The following DCC variants were observed in gnomAD, a reference collection of about 807,000 sequenced individuals.
The protein encoded by DCC is DCC netrin 1 receptor.
Under a neutral mutation model 172.5 loss-of-function variants are expected in DCC, and 58 were observed. That is an observed-to-expected ratio of 0.34 (90% CI 0.27 to 0.42). DCC has a LOEUF of 0.42. Among genes scored for constraint, DCC ranks in the 10% least tolerant of loss-of-function variants. The pLI, the probability that DCC is intolerant of heterozygous loss-of-function variation, is 1.00. For synonymous variants in DCC, 709 were observed against 644.5 expected, an observed-to-expected ratio of 1.10 and a Z score of -1.52; for missense variants, 1,740 against 1,791.0, an observed-to-expected ratio of 0.97 and a Z score of 0.51.
intron 14 of DCC, among the ~76,000 whole-genome samples, chr18:53,333,051 CAG>C (rs546444655): frequency 5.8e-4 from 77 of 133,708 alleles, no homozygotes; most frequent in African/African-American, 2.1e-3. Flanking sequence ...GCCTGGGTGA[CAG>C]AGTGAGAACC....
chr18:52,437,921 A>T (rs1987848861), intron 1 of DCC, among the ~76,000 whole-genome samples: 1 of 152,132 alleles, frequency 6.6e-6, no homozygotes, highest in Admixed American at 6.5e-5. Flanking sequence ...TTCGATTTTC[A>T]CCTGGTGAGT....
At chr18:53,110,476 G>T (rs1453600316) in intron 7 of DCC, among the ~76,000 whole-genome samples, 1 of 151,642 alleles carries the variant, frequency 6.6e-6, no homozygotes, top group African/African-American at 2.4e-5. Flanking sequence ...TTGCCACTTT[G>T]GTCTAAGTTT....
chr18:52,867,649 G>T (rs1056760930), intron 2 of DCC, among the ~76,000 whole-genome samples: 30 of 152,066 alleles, frequency 2.0e-4, no homozygotes, highest in African/African-American at 7.2e-4. Context: ...ATTTCTTCTA[G>T]ATTTTCTAGT....
intron 23 of DCC, among the ~76,000 whole-genome samples, chr18:53,458,615 T>C (rs957262848): frequency 6.6e-6 from 1 of 152,242 alleles, no homozygotes. Flanking sequence ...ATTTTCAAAC[T>C]GTGTTCTTCT....
chr18:53,061,330 CTCTT>C (rs898034454), intron 5 of DCC, among the ~76,000 whole-genome samples: 4 of 152,048 alleles, frequency 2.6e-5, no homozygotes, highest in African/African-American at 9.7e-5. Context: ...TTCCTACTCT[CTCTT>C]TCTCTCTCTG....
rs2042562153 is a variant in DCC at position 53,066,105 on chromosome 18, T to C, written c.1200T>C (p.Cys400=). 2 of 1,613,350 alleles carry C rather than the reference T, an allele frequency of 1.2e-6. No individual in the cohort carries two copies. The highest frequency in any genetic ancestry group is 2.7e-5 in the African/African-American group (2 of 74,850). Residue 400 remains cysteine (C), a synonymous_variant, in exon 7 of 29, where the codon TGT becomes TGC. Transcript: ENST00000442544. ...VVKSDEGFYQ[C]VAENEAGNAQ... ...AGTCAGATGAAGGCTTTTATCAATG[T>C]GTGGCTGAAAATGAGGCTGGAAATG...
chr18:52,697,456 C>A (rs932850865), intron 1 of DCC, among the ~76,000 whole-genome samples: 2 of 152,192 alleles, frequency 1.3e-5, no homozygotes, highest in Non-Finnish European at 2.9e-5. Context: ...GAGATCAATT[C>A]TTCCTGTGCC....
chr18:53,134,498 A>C (rs1020151278), intron 7 of DCC, among the ~76,000 whole-genome samples: 1 of 152,068 alleles, frequency 6.6e-6, no homozygotes, highest in African/African-American at 2.4e-5. Context: ...ACTGTTCTTA[A>C]ATATGAAGGA....
At chr18:53,494,344 A>C (rs1225627924) in intron 26 of DCC, among the ~76,000 whole-genome samples, 1 of 151,902 alleles carries the variant, frequency 6.6e-6, no homozygotes, top group East Asian at 1.9e-4. Context: ...TTTGGTCCAG[A>C]GCTGAGTTCA....
intron 1 of DCC, among the ~76,000 whole-genome samples, chr18:52,595,191 T>C (rs946400562): frequency 5.3e-5 from 8 of 152,224 alleles, no homozygotes; most frequent in African/African-American, 1.9e-4. Flanking sequence ...ACAGGCATAT[T>C]ACTCAGATGT....
At chr18:52,979,266 G>A (rs1422706655) in intron 5 of DCC, among the ~76,000 whole-genome samples, 2 of 152,158 alleles carry the variant, frequency 1.3e-5, no homozygotes, top group Admixed American at 6.5e-5. Context: ...CGGAGGAGAG[G>A]GGAAGGAATC....
rs190055014 is a variant in DCC, at chr18:53,263,728, C to G, written c.1912-41850C>G. The stretch of plus-strand genomic sequence containing the variant: ...GTTTTGCATTATAATATTTAAAATA[C>G]ATGTCAATCATATACTTACTGGAAT... On this transcript the variant is annotated intron_variant, in intron 12 of 28. Coordinates refer to ENST00000442544, the MANE Select transcript of DCC (RefSeq NM_005215.4). Among the ~76,000 whole-genome samples, 816 of 152,014 alleles carry G rather than the reference C, an allele frequency of 5.4e-3. 6 individuals carry two copies. Among genetic ancestry groups the G allele is most frequent in the Admixed American group, 0.023 (344 of 15,260 alleles).
intron 5 of DCC, among the ~76,000 whole-genome samples, chr18:53,044,355 G>C (rs1454947723): frequency 6.6e-6 from 1 of 151,816 alleles, no homozygotes; most frequent in East Asian, 1.9e-4. Flanking sequence ...AACTTGCATA[G>C]TATGTATTTT....
At position 53,535,001 on chromosome 18, in the gene DCC, C is replaced by G. The variant is rs1340242170; in HGVS notation, c.*4348C>G. Reference sequence around the variant, plus strand: ...AAAACTCTGCAAGATTTAATAAACACAGGGGCATGGGCCAAGGGATCTCAC... The same window carrying G: ...AAAACTCTGCAAGATTTAATAAACAGAGGGGCATGGGCCAAGGGATCTCAC... On this transcript the variant is annotated 3_prime_UTR_variant, in exon 29 of 29. Coordinates refer to ENST00000442544, the MANE Select transcript of DCC (RefSeq NM_005215.4). The G allele has an allele frequency of 6.6e-6, 1 of 152,154 alleles. No individual in the cohort carries two copies. The highest frequency in any genetic ancestry group is 2.4e-5 in the African/African-American group (1 of 41,428). The allele number at this position is 152,154 out of a possible 1,614,324, so 9.4% of individuals were successfully genotyped here.
chr18:53,473,105 G>A (rs1449673202), intron 25 of DCC, among the ~76,000 whole-genome samples: 1 of 151,966 alleles, frequency 6.6e-6, no homozygotes, highest in African/African-American at 2.4e-5. Flanking sequence ...TCTTACAAAT[G>A]CTTTTCTGAT....
chr18:53,074,075 A>G (rs1245915423), intron 7 of DCC, among the ~76,000 whole-genome samples: 1 of 152,148 alleles, frequency 6.6e-6, no homozygotes, highest in East Asian at 1.9e-4. Flanking sequence ...GCAACTACGT[A>G]TGAGAGATTG....
chr18:53,469,874 A>T (rs552579517), intron 25 of DCC, among the ~76,000 whole-genome samples: 8 of 152,242 alleles, frequency 5.3e-5, no homozygotes, highest in Non-Finnish European at 1.2e-4. Flanking sequence ...ATGATTGCCA[A>T]GGTTGTCAAT....
At chr18:52,988,674 G>A (rs1286748559) in intron 5 of DCC, among the ~76,000 whole-genome samples, 1 of 151,910 alleles carries the variant, frequency 6.6e-6, no homozygotes, top group African/African-American at 2.4e-5. Context: ...TTCTGTTTAT[G>A]TGTTGTGCAT....
intron 5 of DCC, among the ~76,000 whole-genome samples, chr18:52,969,617 C>CTCTCTT (rs757854145): frequency 6.8e-6 from 1 of 147,016 alleles, no homozygotes; most frequent in Admixed American, 6.9e-5. Context: ...CTCTCTCTCT[C>CTCTCTT]TCTCTTTCTG....
Sources: gnomAD v4.1 joint callset for allele counts (sites outside exome capture counted in the v4.1 genomes callset) on GRCh38, gnomAD v4.1.1 for gene constraint, MANE v1.5 for transcripts, NCBI Gene and HGNC (gene_info 2026-07-23, HGNC 2026-07-21) for gene names.